MAPK6: variants seen among roughly 807,000 people sequenced by gnomAD.
MAPK6 encodes ERK-3.
In MAPK6, 19 loss-of-function variants were observed where a neutral mutation model predicts 59.3. The observed-to-expected ratio is 0.32, with a 90% CI of 0.22 to 0.47. MAPK6 has a LOEUF of 0.47. MAPK6 is among the 20% of genes least tolerant of loss of function. The pLI, the probability that MAPK6 is intolerant of heterozygous loss-of-function variation, is 1.00. For missense variants in MAPK6, 724 were observed against 847.9 expected, an observed-to-expected ratio of 0.85 and a Z score of 1.81; for synonymous variants, 316 against 290.3, an observed-to-expected ratio of 1.09 and a Z score of -0.90.
chr15:52,009,016 T>C (rs1440692013), intron 3 of MAPK6, among the ~76,000 whole-genome samples: 1 of 152,136 alleles, frequency 6.6e-6, no homozygotes, highest in Non-Finnish European at 1.5e-5. Context: ...CCATATGATA[T>C]ACTAATTGAT....
intron 3 of MAPK6, among the ~76,000 whole-genome samples, chr15:52,053,599 ATTGG>A (rs1486697435): frequency 2.4e-3 from 4 of 1,696 alleles, no homozygotes; most frequent in Admixed American, 0.013. Context: ...AGATTGATTG[ATTGG>A]TTGATTGATT....
intron 1 of MAPK6, among the ~76,000 whole-genome samples, chr15:51,979,478 T>C (rs771640771): frequency 9.9e-5 from 15 of 151,924 alleles, no homozygotes; most frequent in Non-Finnish European, 1.8e-4. Flanking sequence ...CTGAATAATA[T>C]TTATATAAAG....
intron 2 of MAPK6, among the ~76,000 whole-genome samples, chr15:51,996,258 G>A (rs1052000004): frequency 1.3e-5 from 2 of 152,160 alleles, no homozygotes; most frequent in Non-Finnish European, 2.9e-5. Flanking sequence ...CAATACCCCC[G>A]CCAAGATTGT....
intron 3 of MAPK6, among the ~76,000 whole-genome samples, chr15:52,053,097 G>T (rs981820534): frequency 6.8e-5 from 9 of 131,510 alleles, no homozygotes; most frequent in African/African-American, 2.3e-4. Context: ...TTTTGAGACA[G>T]AGTCTTGCTT....
At chr15:51,994,615 C>T (rs2057219570) in intron 2 of MAPK6, among the ~76,000 whole-genome samples, 1 of 152,070 alleles carries the variant, frequency 6.6e-6, no homozygotes, top group South Asian at 2.1e-4. Context: ...CAAGGTATTC[C>T]TCACAAAATA....
intron 1 of MAPK6, among the ~76,000 whole-genome samples, chr15:52,037,527 A>T (rs190260093): frequency 1.3e-5 from 2 of 152,152 alleles, no homozygotes; most frequent in Non-Finnish European, 2.9e-5. Context: ...ATAGGATGCT[A>T]TTTCAGTGGC....
At chr15:51,983,889 CTT>C (rs1371807415) in intron 2 of MAPK6, among the ~76,000 whole-genome samples, 1 of 151,806 alleles carries the variant, frequency 6.6e-6, no homozygotes, top group Non-Finnish European at 1.5e-5. Context: ...TGGCTATACT[CTT>C]TGATTAAATA....
intron 1 of MAPK6, among the ~76,000 whole-genome samples, chr15:52,026,588 G>A (rs1432594587): frequency 1.3e-5 from 2 of 152,040 alleles, no homozygotes; most frequent in Non-Finnish European, 2.9e-5. Flanking sequence ...CACCGTGCCT[G>A]GCCTTAACCT....
At chr15:52,014,568 G>A (rs1201356030), upstream of MAPK6, among the ~76,000 whole-genome samples, 2 of 151,866 alleles carry the variant, frequency 1.3e-5, no homozygotes, top group African/African-American at 2.4e-5. Flanking sequence ...TTAGCCAGGT[G>A]TGGTGGTGCA....
intron 2 of MAPK6, among the ~76,000 whole-genome samples, chr15:52,049,233 G>A (rs2031698408): frequency 6.6e-6 from 1 of 151,950 alleles, no homozygotes; most frequent in Non-Finnish European, 1.5e-5. Context: ...TAGCACCTCT[G>A]GTGCTCTTCC....
chr15:52,023,401 C>T (rs1314214765), intron 1 of MAPK6, among the ~76,000 whole-genome samples: 1 of 152,254 alleles, frequency 6.6e-6, no homozygotes, highest in Middle Eastern at 3.4e-3. Flanking sequence ...GAATTTTGCT[C>T]ATTTTTATTG....
At chr15:51,982,136 G>A (rs532825920) in intron 1 of MAPK6, among the ~76,000 whole-genome samples, 5 of 152,176 alleles carry the variant, frequency 3.3e-5, no homozygotes, top group African/African-American at 1.2e-4. Context: ...AAACAGATCC[G>A]GCTCAAACAC....
At chr15:52,059,925 A>G (rs916916476) in intron 4 of MAPK6, among the ~76,000 whole-genome samples, 1 of 152,264 alleles carries the variant, frequency 6.6e-6, no homozygotes, top group Non-Finnish European at 1.5e-5. Context: ...TAAAAAGAAT[A>G]CATGTTCTCA....
Position 52,050,100 on chromosome 15 carries a change from C to G in MAPK6, c.663C>G (p.Ile221Met), listed in dbSNP as rs1241418488. 1 of 1,611,686 alleles carries G rather than the reference C, an allele frequency of 6.2e-7. No individual in the cohort carries two copies. Among genetic ancestry groups the G allele is most frequent in the Admixed American group, 1.7e-5 (1 of 59,322 alleles). The change falls in exon 3 of 6, where the codon ATC becomes ATG. Residue 221 changes from isoleucine (I) to methionine (M), a missense_variant. Ile to Met is a conservative substitution (Grantham distance 10, BLOSUM62 1). Coordinates refer to ENST00000261845, the MANE Select transcript of MAPK6 (RefSeq NM_002748.4). ...TTGACATGTGGGCTGCAGGCTGCATCTTTGCTGAAATGCTGACTGGTAAAA... is the reference window on the plus strand; with the variant it reads ...TTGACATGTGGGCTGCAGGCTGCATGTTTGCTGAAATGCTGACTGGTAAAA... The part of the protein sequence containing the change: ...KAIDMWAAGC[I>M]FAEMLTGKTL...
intron 1 of MAPK6, among the ~76,000 whole-genome samples, chr15:51,981,005 A>T (rs1385782075): frequency 6.6e-6 from 1 of 151,774 alleles, no homozygotes; most frequent in African/African-American, 2.4e-5. Flanking sequence ...TTCTAAAATG[A>T]TAGCAAACCC....
intron 1 of MAPK6, among the ~76,000 whole-genome samples, chr15:52,030,319 C>G (rs2030977773): frequency 6.6e-6 from 1 of 152,202 alleles, no homozygotes; most frequent in South Asian, 2.1e-4. Context: ...AGAACCTTGT[C>G]TGTCTTATTC....
Position 52,065,577 on chromosome 15 carries a change from G to GTAAAC in MAPK6, c.*580_*584dup, listed in dbSNP as rs764088230. Reference sequence around the variant, plus strand: ...TTCTATTTAGCCAGCGTTTATTGTAGTAAACTATTCTTAATAAAACTCACT... The same window carrying GTAAAC: ...TTCTATTTAGCCAGCGTTTATTGTAGTAAACTAAACTATTCTTAATAAAACTCACT... On this transcript the variant is annotated 3_prime_UTR_variant, in exon 6 of 6. Coordinates refer to ENST00000261845, the MANE Select transcript of MAPK6 (RefSeq NM_002748.4). The GTAAAC allele has an allele frequency of 1.3e-5, 2 of 152,548 alleles. No homozygotes were observed. Among genetic ancestry groups the GTAAAC allele is most frequent in the African/African-American group, 4.8e-5 (2 of 41,414 alleles). The allele number at this position is 152,548 out of a possible 1,614,324, so 9.4% of individuals were successfully genotyped here. A position where few individuals can be genotyped will look rare whatever the true frequency, so the allele number is the denominator to read the frequency against.
chr15:52,054,900 G>A (rs74582334), intron 3 of MAPK6, among the ~76,000 whole-genome samples: 1 of 152,042 alleles, frequency 6.6e-6, no homozygotes, highest in African/African-American at 2.4e-5. Flanking sequence ...CGACTCTCCT[G>A]CCTCAGCCTC....
chr15:51,978,240 C>T (rs2057162736), intron 1 of MAPK6, among the ~76,000 whole-genome samples: 1 of 151,534 alleles, frequency 6.6e-6, no homozygotes, highest in African/African-American at 2.4e-5. Flanking sequence ...TCAAGTGATT[C>T]TCCTGCCTCA....
Sources: allele counts gnomAD v4.1 joint callset (sites outside exome capture counted in the v4.1 genomes callset), GRCh38; gene constraint gnomAD v4.1.1; transcripts MANE v1.5; gene names NCBI Gene and HGNC (gene_info 2026-07-23, HGNC 2026-07-21).